NFATC3: variants seen among roughly 807,000 people sequenced by gnomAD.
The protein encoded by NFATC3 is nuclear factor of activated T cells 3, also known as nuclear factor of activated T-cells, cytoplasmic 3.
A neutral mutation model predicts 98.6 loss-of-function variants in NFATC3; 46 were observed. The ratio of observed to expected loss-of-function variants is 0.47; its 90% confidence interval spans 0.37 to 0.60. NFATC3 has a LOEUF of 0.60. Among genes scored for constraint, NFATC3 ranks in the 20% least tolerant of loss-of-function variants. The probability of loss-of-function intolerance (pLI) is 0.00; values close to 1 mark genes in which losing one functional copy is unlikely to be tolerated. For missense variants in NFATC3, 1,256 were observed against 1,295.5 expected (o/e 0.97, Z 0.47); for synonymous variants, 512 against 472.2 (o/e 1.08, Z -1.09).
chr16:68,137,873 G>C (rs1223448559), intron 3 of NFATC3, among the ~76,000 whole-genome samples: 1 of 151,908 alleles, frequency 6.6e-6, no homozygotes, highest in Non-Finnish European at 1.5e-5. Flanking sequence ...TCCTCGGTCG[G>C]CCTCCCAAAG....
rs572191895 is a variant in NFATC3, at chr16:68,208,623, G to T, written c.3106+16848G>T. 2.6e-5 allele frequency among the ~76,000 whole-genome samples: 4 copies of T among 152,184 alleles called. No individual in the cohort carries two copies. In the East Asian group the frequency reaches 7.8e-4, roughly 29 times the overall value. On this transcript the variant is annotated intron_variant, in intron 9 of 9. Transcript: ENST00000346183. ...CATATGCCTGTAATCCCAGCTATTT[G>T]TGGGACTGAGGCAGGAGAATCGCTT... is the stretch of plus-strand genomic sequence containing the variant.
At chr16:68,185,166 G>A (rs1321844297) in intron 8 of NFATC3, among the ~76,000 whole-genome samples, 2 of 152,092 alleles carry the variant, frequency 1.3e-5, no homozygotes, top group African/African-American at 2.4e-5. Context: ...TAGTGGAGAC[G>A]GGGTTTCACC....
chr16:68,136,337 A>G (rs1265676099), intron 3 of NFATC3, among the ~76,000 whole-genome samples: 1 of 151,732 alleles, frequency 6.6e-6, no homozygotes, highest in Non-Finnish European at 1.5e-5. Flanking sequence ...GTGCAATGTC[A>G]GCTCGCTGCA....
Position 68,226,655 on chromosome 16 carries a change from T to C in NFATC3, c.*184T>C. The C allele has an allele frequency of 1.8e-6, 1 of 542,262 alleles. No homozygotes were observed. Among genetic ancestry groups the C allele is most frequent in the Non-Finnish European group, 3.0e-6 (1 of 334,534 alleles). 33.6% of individuals were successfully genotyped at this position (542,262 alleles called of 1,614,324 possible). ...ATTTGGCAAAAGAACAGGAGCAGCA[T>C]AGGCTGTTTGAGCTTTGGGGAAATG... On this transcript the variant is annotated 3_prime_UTR_variant, in exon 10 of 10. Transcript: ENST00000346183.
intron 4 of NFATC3, among the ~76,000 whole-genome samples, chr16:68,158,667 T>A: frequency 6.6e-6 from 1 of 152,162 alleles, no homozygotes; most frequent in East Asian, 1.9e-4. Flanking sequence ...GCAAGTTTTT[T>A]CTTCTTTGCC....
At chr16:68,207,485 A>T (rs1291368529) in intron 9 of NFATC3, among the ~76,000 whole-genome samples, 1 of 152,006 alleles carries the variant, frequency 6.6e-6, no homozygotes, top group Non-Finnish European at 1.5e-5. Flanking sequence ...TCTTTTTGAG[A>T]TGGAGTCCCA....
intron 5 of NFATC3, among the ~76,000 whole-genome samples, chr16:68,170,551 G>GGC (rs1437729948): frequency 6.8e-6 from 1 of 147,374 alleles, no homozygotes; most frequent in Non-Finnish European, 1.5e-5. Flanking sequence ...GGAGTGCAGT[G>GGC]GCGCAATCTC....
In NFATC3 at chr16:68,164,078, C is replaced by G. The variant is rs1185122882; in HGVS notation, c.1602-2765C>G. 3.4e-5 allele frequency among the ~76,000 whole-genome samples: 5 copies of G among 148,516 alleles called. No homozygotes were observed. The East Asian group carries it at 5.9e-4, about 18-fold the overall frequency. ...CTGGGAGGTGGAGGTTGTAGCGAGC[C>G]GAGATCACGCCACTGCACTCCAGCC... On this transcript the variant is annotated intron_variant, in intron 4 of 9. Transcript: ENST00000346183.
At position 68,169,325 on chromosome 16, in the gene NFATC3, A is replaced by G. The variant is rs147863461; in HGVS notation, c.1774+2310A>G. The stretch of plus-strand genomic sequence containing the variant: ...ACTCTTTTGCCCAGGCTGGAGTGCA[A>G]TGGCATGATCTTGGTTCACTGCAGC... On this transcript the variant is annotated intron_variant, in intron 5 of 9. Coordinates refer to ENST00000346183, the MANE Select transcript of NFATC3 (RefSeq NM_173165.3). Among the ~76,000 whole-genome samples the G allele has an allele frequency of 5.1e-3, 776 of 151,998 alleles. 8 individuals carry two copies. Among genetic ancestry groups the G allele is most frequent in the African/African-American group, 0.017 (701 of 41,478 alleles).
intron 4 of NFATC3, among the ~76,000 whole-genome samples, chr16:68,166,258 C>T (rs2039188182): frequency 6.6e-6 from 1 of 152,194 alleles, no homozygotes; most frequent in Non-Finnish European, 1.5e-5. Flanking sequence ...GTTGACTGAG[C>T]TCAACTGGTC....
In NFATC3 at chr16:68,123,135, A is replaced by T. The variant is rs1567509286; in HGVS notation, c.1238+14A>T. On this transcript the variant is annotated intron_variant, in intron 2 of 9. Transcript: ENST00000346183. ...CCCTATATTTCGGTGAGTTGATGGA[A>T]ATGGCTGCTGGTCATTTTTCATGTT... 6.3e-7 allele frequency: 1 copy of T among 1,580,440 alleles called. No individual in the cohort carries two copies. Among genetic ancestry groups the T allele is most frequent in the East Asian group, 2.2e-5 (1 of 44,692 alleles).
chr16:68,135,186 C>T (rs938535192), intron 3 of NFATC3, among the ~76,000 whole-genome samples: 5 of 151,830 alleles, frequency 3.3e-5, no homozygotes, highest in African/African-American at 4.8e-5. Flanking sequence ...TGGCCGGGCG[C>T]GGTGGCTCAC....
intron 1 of NFATC3, among the ~76,000 whole-genome samples, chr16:68,088,405 T>C (rs2034509573): frequency 6.9e-6 from 1 of 145,756 alleles, no homozygotes; most frequent in Admixed American, 7.1e-5. Context: ...ATATAATATA[T>C]AATGTATTAT....
chr16:68,140,840 G>T, intron 3 of NFATC3, among the ~76,000 whole-genome samples: 1 of 151,784 alleles, frequency 6.6e-6, no homozygotes. Flanking sequence ...GTGGTTTTTT[G>T]TTAAATGGAT....
At chr16:68,130,058 G>A (rs570319596) in intron 3 of NFATC3, among the ~76,000 whole-genome samples, 5 of 152,180 alleles carry the variant, frequency 3.3e-5, no homozygotes, top group East Asian at 1.9e-4. Flanking sequence ...ATCCACTGAC[G>A]AACACTTATT....
intron 3 of NFATC3, chr16:68,138,365 A>G (rs937798272): frequency 1.1e-5 from 6 of 535,862 alleles, no homozygotes; most frequent in African/African-American, 2.0e-5. Context: ...ATGCTTGTTT[A>G]CTATTATTAT....
rs745626600 is a variant in NFATC3 at position 68,122,526 on chromosome 16, T to G, written c.643T>G (p.Ser215Ala). ...ATCCCCTCTGACTTCTCCTGGTGGC[T>G]CTCCAGGGGGCTGCCCTGGAGAAGA... is the stretch of plus-strand genomic sequence containing the variant. ...LGSPLTSPGG[S>A]PGGCPGEETW... The change falls in exon 2 of 10, where the codon TCT becomes GCT. Residue 215 changes from serine to alanine, a missense_variant. Ser to Ala is a moderately conservative substitution (Grantham distance 99, BLOSUM62 1). This residue lies in a region of NFATC3 where 464 missense variants were observed against 465.7 expected (regional missense o/e 1.00). Coordinates refer to ENST00000346183, the MANE Select transcript of NFATC3 (RefSeq NM_173165.3). The G allele has an allele frequency of 6.2e-7, 1 of 1,614,086 alleles. No homozygotes were observed. The highest frequency in any genetic ancestry group is 8.5e-7 in the Non-Finnish European group (1 of 1,180,006).
chr16:68,206,416 C>A (rs1267230266), intron 9 of NFATC3, among the ~76,000 whole-genome samples: 1 of 152,164 alleles, frequency 6.6e-6, no homozygotes, highest in East Asian at 1.9e-4. Context: ...GTCCTCCCAG[C>A]CCCTGGTAAC....
intron 3 of NFATC3, among the ~76,000 whole-genome samples, chr16:68,131,740 A>G (rs1369977770): frequency 6.6e-6 from 1 of 151,294 alleles, no homozygotes; most frequent in African/African-American, 2.4e-5. Context: ...GTCTTGCCTC[A>G]GTCTTCCAAA....
Sources: allele counts gnomAD v4.1 joint callset (sites outside exome capture counted in the v4.1 genomes callset), GRCh38; gene constraint gnomAD v4.1.1; regional missense constraint gnomAD v4.1.1; transcripts MANE v1.5; gene names NCBI Gene and HGNC (gene_info 2026-07-23, HGNC 2026-07-21).